The following GALNT13 variants were observed in gnomAD, a reference collection of about 807,000 sequenced individuals.
The protein encoded by GALNT13 is UDP-GalNAc:polypeptide N-acetylgalactosaminyltransferase 13.
A neutral mutation model predicts 64.2 loss-of-function variants in GALNT13; 28 were observed. That is an observed-to-expected ratio of 0.44 (90% CI 0.32 to 0.60). GALNT13 has a LOEUF of 0.60. Among genes scored for constraint, GALNT13 ranks in the 20% least tolerant of loss-of-function variants. The pLI, the probability that GALNT13 is intolerant of heterozygous loss-of-function variation, is 0.05. For synonymous variants in GALNT13, 214 were observed against 224.6 expected (o/e 0.95, Z 0.42); for missense variants, 577 against 669.8 (o/e 0.86, Z 1.53).
At chr2:153,518,584 T>G in the GALNT13 span, among the ~76,000 whole-genome samples, 1 of 152,302 alleles carries the variant, frequency 6.6e-6, no homozygotes, top group African/African-American at 2.4e-5. Flanking sequence ...TTCTAGGTAC[T>G]GCTAAATTTA....
At chr2:153,276,267 T>A in the GALNT13 span, among the ~76,000 whole-genome samples, 2 of 152,218 alleles carry the variant, frequency 1.3e-5, no homozygotes, top group East Asian at 3.9e-4. Flanking sequence ...TTAGAAAAGG[T>A]TTATACTTTC....
intron 9 of GALNT13, among the ~76,000 whole-genome samples, chr2:154,347,279 T>C (rs1260387886): frequency 1.3e-5 from 2 of 152,172 alleles, no homozygotes; most frequent in Non-Finnish European, 2.9e-5. Context: ...GACCTTAGTA[T>C]ATTGATTATC....
At chr2:153,539,110 T>A in the GALNT13 span, among the ~76,000 whole-genome samples, 22 of 140,960 alleles carry the variant, frequency 1.6e-4, no homozygotes, top group South Asian at 4.7e-3. Flanking sequence ...GGTATCTCAT[T>A]GTGGTTTTGA....
intron 4 of GALNT13, among the ~76,000 whole-genome samples, chr2:154,198,632 AG>A (rs553761892): frequency 4.4e-4 from 67 of 152,014 alleles, no homozygotes; most frequent in Admixed American, 1.3e-3. Context: ...GTACCCTATA[AG>A]GGGTACTTGC....
chr2:153,736,674 T>C, the GALNT13 span, among the ~76,000 whole-genome samples: 1 of 152,186 alleles, frequency 6.6e-6, no homozygotes, highest in African/African-American at 2.4e-5. Flanking sequence ...CATCTATTGT[T>C]AAAACTTTAG....
At chr2:153,157,998 GA>G in the GALNT13 span, among the ~76,000 whole-genome samples, 12 of 150,824 alleles carry the variant, frequency 8.0e-5, no homozygotes, top group Admixed American at 5.3e-4. Context: ...AAAGTATTGA[GA>G]AAAAAAAATA....
chr2:154,393,098 G>A (rs540685998), intron 9 of GALNT13, among the ~76,000 whole-genome samples: 28 of 152,310 alleles, frequency 1.8e-4, no homozygotes, highest in Admixed American at 1.8e-3. Context: ...AATTTGAGAT[G>A]CTTAGTATAG....
intron 9 of GALNT13, among the ~76,000 whole-genome samples, chr2:154,333,157 A>G (rs61420603): frequency 0.13 from 19,647 of 151,996 alleles, 1,319 homozygotes; most frequent in Middle Eastern, 0.2. Flanking sequence ...GGACCTCCTT[A>G]GCCCTGCACC....
chr2:154,216,191 A>G (rs1312528321), intron 4 of GALNT13, among the ~76,000 whole-genome samples: 1 of 152,098 alleles, frequency 6.6e-6, no homozygotes, highest in East Asian at 1.9e-4. Flanking sequence ...TGCTTTATTT[A>G]GGTTTGAAAA....
chr2:153,924,403 T>C lies in GALNT13; in HGVS notation c.-104-19991T>C, dbSNP rs146476689. On this transcript the variant is annotated intron_variant, in intron 2 of 12. Coordinates refer to ENST00000392825, the MANE Select transcript of GALNT13 (RefSeq NM_052917.4). The stretch of plus-strand genomic sequence containing the variant: ...CAGGACATGATCTCATTCCTTTTTA[T>C]GGCTGCATAATATTCCATGGTGTAT... Among the ~76,000 whole-genome samples the C allele has an allele frequency of 2.7e-3, 409 of 152,322 alleles. 1 individual carries two copies. Among genetic ancestry groups the C allele is most frequent in the African/African-American group, 9.3e-3 (388 of 41,580 alleles).
At chr2:154,055,356 G>A (rs1699844642) in intron 3 of GALNT13, among the ~76,000 whole-genome samples, 1 of 151,948 alleles carries the variant, frequency 6.6e-6, no homozygotes, top group Non-Finnish European at 1.5e-5. Context: ...GCAGATTGAA[G>A]GAAATGCAAT....
At chr2:154,346,900 T>G (rs1696098281) in intron 9 of GALNT13, among the ~76,000 whole-genome samples, 1 of 152,130 alleles carries the variant, frequency 6.6e-6, no homozygotes, top group African/African-American at 2.4e-5. Flanking sequence ...AAAATAGATT[T>G]GATACATAAT....
At chr2:153,136,218 C>G in the GALNT13 span, among the ~76,000 whole-genome samples, 3 of 152,048 alleles carry the variant, frequency 2.0e-5, no homozygotes, top group Non-Finnish European at 4.4e-5. Flanking sequence ...GAGATAACAC[C>G]CCTTTACTCT....
chr2:153,751,142 G>T, the GALNT13 span, among the ~76,000 whole-genome samples: 15 of 151,752 alleles, frequency 9.9e-5, no homozygotes, highest in African/African-American at 3.6e-4. Flanking sequence ...GTTATTAATT[G>T]CTAGTTTTAT....
At chr2:153,676,907 A>G in the GALNT13 span, among the ~76,000 whole-genome samples, 20 of 152,190 alleles carry the variant, frequency 1.3e-4, no homozygotes, top group African/African-American at 4.1e-4. Flanking sequence ...CTACGAAAAA[A>G]ACACAGCTAT....
intron 9 of GALNT13, among the ~76,000 whole-genome samples, chr2:154,379,481 A>G (rs375326757): frequency 1.2e-4 from 19 of 152,160 alleles, no homozygotes; most frequent in African/African-American, 4.6e-4. Flanking sequence ...TTTTTGGTCT[A>G]TTAACATTGT....
the GALNT13 span, among the ~76,000 whole-genome samples, chr2:153,297,399 T>C: frequency 2.0e-5 from 3 of 152,174 alleles, no homozygotes; most frequent in African/African-American, 7.2e-5. Flanking sequence ...AAAAGTTACC[T>C]GAACATTTAT....
the GALNT13 span, among the ~76,000 whole-genome samples, chr2:153,483,014 CTGGAAAGTGAG>C: frequency 6.6e-6 from 1 of 152,086 alleles, no homozygotes; most frequent in Non-Finnish European, 1.5e-5. Context: ...TCTAAGAAGT[CTGGAAAGTGAG>C]TGAAACATTT....
At chr2:153,814,427 G>A in the GALNT13 span, among the ~76,000 whole-genome samples, 2 of 151,642 alleles carry the variant, frequency 1.3e-5, no homozygotes, top group South Asian at 4.1e-4. Context: ...GCTACAGAGC[G>A]AGACTCCGTC....
Sources: gnomAD v4.1 joint callset for allele counts (sites outside exome capture counted in the v4.1 genomes callset) on GRCh38, gnomAD v4.1.1 for gene constraint, MANE v1.5 for transcripts, NCBI Gene and HGNC (gene_info 2026-07-23, HGNC 2026-07-21) for gene names.